The following ATXN7 variants were observed in gnomAD, a reference collection of about 807,000 sequenced individuals.
ATXN7 encodes ataxin-7.
Under a neutral mutation model 70.5 loss-of-function variants are expected in ATXN7, and 12 were observed. The ratio of observed to expected loss-of-function variants is 0.17; its 90% CI spans 0.11 to 0.28. The LOEUF (loss-of-function observed/expected upper bound fraction) is 0.28, where lower values mean the gene tolerates loss of function less well. Among genes scored for constraint, ATXN7 ranks in the 10% least tolerant of loss-of-function variants. The pLI, the probability that ATXN7 is intolerant of heterozygous loss-of-function variation, is 1.00. For missense variants in ATXN7, 1,256 were observed against 1,131.7 expected (o/e 1.11, Z -1.58); for synonymous variants, 498 against 448.7 (o/e 1.11, Z -1.39).
intron 12 of ATXN7, 67 bp downstream of exon 12, chr3:63,996,550 C>A: frequency 6.7e-7 from 1 of 1,489,636 alleles, no homozygotes; most frequent in South Asian, 1.2e-5. Context: ...TTTGTCAGCT[C>A]AGAAATGTGT....
At chr3:63,893,091 C>T (rs2107251020) in intron 1 of ATXN7, among the ~76,000 whole-genome samples, 1 of 152,250 alleles carries the variant, frequency 6.6e-6, no homozygotes, top group Non-Finnish European at 1.5e-5. Context: ...TAAAGGAGCA[C>T]AGAAAGAGTT....
intron 2 of ATXN7, chr3:63,905,497 C>A (rs1355902516): frequency 1.3e-5 from 2 of 152,264 alleles, no homozygotes; most frequent in Non-Finnish European, 2.9e-5. Flanking sequence ...GTGTGAGCCA[C>A]CGCACCCGGC....
At chr3:63,872,213 T>C (rs1393051689) in intron 1 of ATXN7, among the ~76,000 whole-genome samples, 2 of 152,248 alleles carry the variant, frequency 1.3e-5, no homozygotes, top group Admixed American at 1.3e-4. Context: ...AGGACGTGAA[T>C]ACACTATAAA....
In ATXN7 at chr3:64,001,757, T is replaced by C. The variant is rs1453721805; in HGVS notation, c.*2290T>C. 6.6e-6 allele frequency: 1 copy of C among 152,218 alleles called. No homozygotes were observed. The highest frequency in any genetic ancestry group is 1.9e-4 in the East Asian group (1 of 5,206). 9.4% of individuals were successfully genotyped at this position (152,218 alleles called of 1,614,324 possible). On this transcript the variant is annotated 3_prime_UTR_variant, in exon 13 of 13. Coordinates refer to ENST00000674280, the MANE Select transcript of ATXN7 (RefSeq NM_001377405.1). Reference sequence around the variant, plus strand: ...AACAGACCTATTCTAAACAGTGCTATTAAATTTTAGACTGTTGTTCAAATA... The same window carrying C: ...AACAGACCTATTCTAAACAGTGCTACTAAATTTTAGACTGTTGTTCAAATA...
At chr3:63,935,166 T>C (rs541240463) in intron 4 of ATXN7, among the ~76,000 whole-genome samples, 2 of 152,328 alleles carry the variant, frequency 1.3e-5, no homozygotes, top group East Asian at 3.9e-4. Context: ...TCTTCCACTA[T>C]TGAAAGAGTG....
rs553321621 is a variant in ATXN7 at position 63,995,452 on chromosome 3, T to G, written c.1683-53T>G. 3.8e-6 allele frequency: 6 copies of G among 1,594,168 alleles called. No individual in the cohort carries two copies. In the African/African-American group the frequency reaches 6.7e-5, roughly 18 times the overall value. On this transcript the variant is annotated intron_variant, in intron 11 of 12. Transcript: ENST00000674280. ...CAAAGAGGGTGGTGCCATCTGAAAG[T>G]CTCTGTGAATGGCTGTGGTCAGTGT...
intron 5 of ATXN7, chr3:63,967,834 G>C: frequency 1.3e-6 from 2 of 1,523,944 alleles, no homozygotes; most frequent in South Asian, 2.4e-5. Flanking sequence ...GAGCATATTT[G>C]GAGTTGGTGG....
intron 5 of ATXN7, chr3:63,967,882 T>G (rs936831737): frequency 6.5e-7 from 1 of 1,535,566 alleles, no homozygotes; most frequent in Non-Finnish European, 8.7e-7. Flanking sequence ...CAGTAGCAAG[T>G]GTGCAATGAA....
At chr3:63,953,612 A>T (rs1044434029) in intron 5 of ATXN7, among the ~76,000 whole-genome samples, 10 of 151,588 alleles carry the variant, frequency 6.6e-5, no homozygotes, top group African/African-American at 2.2e-4. Flanking sequence ...TGAGAGTAAG[A>T]TCTGGCAGTA....
At chr3:63,935,530 C>T (rs1318586707) in intron 4 of ATXN7, among the ~76,000 whole-genome samples, 1 of 152,154 alleles carries the variant, frequency 6.6e-6, no homozygotes, top group African/African-American at 2.4e-5. Context: ...CTGGGCTTTG[C>T]AACTGAATTG....
At chr3:63,926,779 G>T (rs996391762) in intron 4 of ATXN7, among the ~76,000 whole-genome samples, 3 of 151,708 alleles carry the variant, frequency 2.0e-5, no homozygotes, top group African/African-American at 7.3e-5. Context: ...AAGTGTCACC[G>T]TTTTTTTTAA....
At chr3:63,867,039 A>G (rs1339245381) in intron 1 of ATXN7, 2 of 152,094 alleles carry the variant, frequency 1.3e-5, no homozygotes, top group Non-Finnish European at 2.9e-5. Context: ...TGAAAATATA[A>G]AAAATTATGA....
At chr3:63,918,588 A>G (rs1381666815) in intron 4 of ATXN7, among the ~76,000 whole-genome samples, 1 of 152,142 alleles carries the variant, frequency 6.6e-6, no homozygotes. Flanking sequence ...TTTGAAGCAT[A>G]TCATTTCTTT....
rs370835069 is a variant in ATXN7 at position 63,975,597 on chromosome 3, A to C, written c.500-4318A>C. 2.3e-3 allele frequency among the ~76,000 whole-genome samples: 348 copies of C among 152,286 alleles called. 1 individual carries two copies. The highest frequency in any genetic ancestry group is 7.3e-3 in the African/African-American group (302 of 41,552). ...TTTAGTTGTTTTCAAAGCAATATTT[A>C]TGATATAAAAAGATCTAATTATTTG... On this transcript the variant is annotated intron_variant, in intron 5 of 12. Coordinates refer to ENST00000674280, the MANE Select transcript of ATXN7 (RefSeq NM_001377405.1).
intron 1 of ATXN7, among the ~76,000 whole-genome samples, chr3:63,889,837 G>A: frequency 6.6e-6 from 1 of 152,198 alleles, no homozygotes; most frequent in Non-Finnish European, 1.5e-5. Context: ...ACTAGCAAAT[G>A]ATTTTTGTTT....
rs965603448 is a variant in ATXN7, at chr3:64,001,227, A to AT, written c.*1767dup. On this transcript the variant is annotated 3_prime_UTR_variant, in exon 13 of 13. Transcript: ENST00000674280. ...AGCTATAAATTGATGTAAAATACTG[A>AT]TTTTTTTAAAGGAAGGAGAGAACAG... 4.6e-5 allele frequency: 7 copies of AT among 152,192 alleles called. No homozygotes were observed. The highest frequency in any genetic ancestry group is 7.3e-5 in the Non-Finnish European group (5 of 68,050). The allele number at this position is 152,192 out of a possible 1,614,324, so 9.4% of individuals were successfully genotyped here. A position where few individuals can be genotyped will look rare whatever the true frequency, so the allele number is the denominator to read the frequency against.
intron 11 of ATXN7, among the ~76,000 whole-genome samples, chr3:63,991,705 C>T (rs910651590): frequency 6.6e-6 from 1 of 152,084 alleles, no homozygotes; most frequent in South Asian, 2.1e-4. Context: ...GAGCCATGTG[C>T]TCCAGTTTGC....
At chr3:63,906,130 A>G (rs981030070) in intron 2 of ATXN7, among the ~76,000 whole-genome samples, 2 of 152,222 alleles carry the variant, frequency 1.3e-5, no homozygotes, top group African/African-American at 4.8e-5. Context: ...CTTTACCTCT[A>G]CCAAGAAAAG....
intron 2 of ATXN7, chr3:63,912,108 G>C (rs1255869405): frequency 1.3e-5 from 2 of 152,202 alleles, no homozygotes; most frequent in Non-Finnish European, 2.9e-5. Context: ...GGGTGCCGCC[G>C]CTCGGACGGA....
Sources: allele counts gnomAD v4.1 joint callset (sites outside exome capture counted in the v4.1 genomes callset), GRCh38; gene constraint gnomAD v4.1.1; transcripts MANE v1.5; gene names NCBI Gene and HGNC (gene_info 2026-07-23, HGNC 2026-07-21).